The following SUGCT variants were observed in gnomAD, a reference collection of about 807,000 sequenced individuals.
SUGCT encodes the protein succinyl-CoA:glutarate CoA-transferase.
In SUGCT, 41 loss-of-function variants were observed where a neutral mutation model predicts 55.0. That is an observed-to-expected ratio of 0.74 (90% CI 0.58 to 0.97). The LOEUF (loss-of-function observed/expected upper bound fraction) is 0.97. SUGCT is among the 50% of genes least tolerant of loss of function. The pLI is 0.00. For synonymous variants in SUGCT, 187 were observed against 200.4 expected (o/e 0.93, Z 0.56); for missense variants, 568 against 547.8 (o/e 1.04, Z -0.37).
chr7:40,469,878 A>G (rs1790315618), intron 11 of SUGCT, among the ~76,000 whole-genome samples: 1 of 152,184 alleles, frequency 6.6e-6, no homozygotes, highest in African/African-American at 2.4e-5. Context: ...AAAACATTTA[A>G]TACCCTCGTT....
the SUGCT span, among the ~76,000 whole-genome samples, chr7:41,034,550 T>C: frequency 6.6e-6 from 1 of 152,184 alleles, no homozygotes; most frequent in Non-Finnish European, 1.5e-5. Context: ...ATGAGACTAA[T>C]TGGGACTTCT....
chr7:40,359,082 A>T (rs953984117), intron 9 of SUGCT, among the ~76,000 whole-genome samples: 3 of 152,178 alleles, frequency 2.0e-5, no homozygotes, highest in African/African-American at 7.2e-5. Flanking sequence ...TGTTCCCTGG[A>T]TATGGACTGT....
chr7:40,507,864 C>T lies in SUGCT; in HGVS notation c.1089+11478C>T, dbSNP rs968478193. ...TTGCATACAGAGTTGCCTGTGATCT[C>T]AGAAGGGCTCATCTTGATTGTCTCT... On this transcript the variant is annotated intron_variant, in intron 12 of 13. Transcript: ENST00000335693. Among the ~76,000 whole-genome samples the T allele has an allele frequency of 2.0e-5, 3 of 152,176 alleles. 1 individual carries two copies. The Middle Eastern group carries it at 9.5e-3, about 482-fold the overall frequency.
At chr7:40,643,027 CT>C (rs1800338822) in intron 12 of SUGCT, among the ~76,000 whole-genome samples, 1 of 152,154 alleles carries the variant, frequency 6.6e-6, no homozygotes, top group East Asian at 1.9e-4. Flanking sequence ...TAGCTCATCA[CT>C]TTTCCTCCAG....
intron 12 of SUGCT, among the ~76,000 whole-genome samples, chr7:40,681,004 T>G (rs1048828276): frequency 6.6e-6 from 1 of 152,158 alleles, no homozygotes; most frequent in Admixed American, 6.6e-5. Flanking sequence ...AATATTAACT[T>G]CAAAACATCC....
chr7:40,970,447 C>T, the SUGCT span, among the ~76,000 whole-genome samples: 6 of 152,214 alleles, frequency 3.9e-5, no homozygotes, highest in African/African-American at 1.4e-4. Flanking sequence ...GCTGGGACTA[C>T]AGGCATGAGC....
chr7:40,438,083 G>A (rs1216861162), intron 9 of SUGCT, among the ~76,000 whole-genome samples: 2 of 152,004 alleles, frequency 1.3e-5, no homozygotes, highest in Non-Finnish European at 2.9e-5. Flanking sequence ...TCTTTAGTCA[G>A]CTTTATAATT....
At position 40,691,197 on chromosome 7, in the gene SUGCT, T is replaced by C. The variant is rs180739912; in HGVS notation, c.1090-58237T>C. On this transcript the variant is annotated intron_variant, in intron 12 of 13. Coordinates refer to ENST00000335693, the MANE Select transcript of SUGCT (RefSeq NM_001193313.2). Reference sequence around the variant, plus strand: ...AGTGACCTGGCCCTCTACTTGAAGATGCAAGAAATGGTTTTTGGGCTCAAG... The same window carrying C: ...AGTGACCTGGCCCTCTACTTGAAGACGCAAGAAATGGTTTTTGGGCTCAAG... 6.8e-3 allele frequency among the ~76,000 whole-genome samples: 1,030 copies of C among 152,310 alleles called. 9 individuals are homozygous for C. Among genetic ancestry groups the C allele is most frequent in the Non-Finnish European group, 0.01 (687 of 68,028 alleles).
At chr7:40,877,089 CTCT>C in the SUGCT span, among the ~76,000 whole-genome samples, 2 of 152,150 alleles carry the variant, frequency 1.3e-5, no homozygotes, top group African/African-American at 2.4e-5. Context: ...TTCAAGGAAT[CTCT>C]TCTTTTTGTT....
At chr7:40,421,853 T>A (rs770762345) in intron 9 of SUGCT, among the ~76,000 whole-genome samples, 1 of 152,178 alleles carries the variant, frequency 6.6e-6, no homozygotes, top group Admixed American at 6.5e-5. Flanking sequence ...GCACTAACTT[T>A]GAGCTGTGGT....
At chr7:41,023,930 A>C in the SUGCT span, among the ~76,000 whole-genome samples, 1 of 152,194 alleles carries the variant, frequency 6.6e-6, no homozygotes, top group Non-Finnish European at 1.5e-5. Context: ...TTGCAGCCCA[A>C]AGCATCCTAA....
the SUGCT span, among the ~76,000 whole-genome samples, chr7:41,010,695 C>T: frequency 2.0e-5 from 3 of 152,082 alleles, no homozygotes; most frequent in African/African-American, 7.2e-5. Flanking sequence ...ACCGGAGGGC[C>T]ATGTTTACAC....
intron 9 of SUGCT, among the ~76,000 whole-genome samples, chr7:40,329,769 G>A (rs1362129191): frequency 6.6e-6 from 1 of 152,118 alleles, no homozygotes; most frequent in Non-Finnish European, 1.5e-5. Context: ...TTGTAACCTG[G>A]TAATGGGACA....
At chr7:40,197,135 C>G (rs183035669) in intron 6 of SUGCT, among the ~76,000 whole-genome samples, 3 of 152,158 alleles carry the variant, frequency 2.0e-5, no homozygotes, top group East Asian at 1.9e-4. Flanking sequence ...GTGCCCGGCC[C>G]TGATGATTAA....
chr7:40,664,094 C>G (rs943938573), intron 12 of SUGCT, among the ~76,000 whole-genome samples: 1 of 152,182 alleles, frequency 6.6e-6, no homozygotes, highest in East Asian at 1.9e-4. Flanking sequence ...AGATTCTTCT[C>G]TTAACGTCCT....
the SUGCT span, among the ~76,000 whole-genome samples, chr7:40,969,847 T>C: frequency 6.6e-6 from 1 of 152,222 alleles, no homozygotes; most frequent in Non-Finnish European, 1.5e-5. Context: ...GTTTAAAGTA[T>C]CTCTTAGTAT....
At chr7:40,605,027 G>C (rs1798457736) in intron 12 of SUGCT, among the ~76,000 whole-genome samples, 2 of 152,216 alleles carry the variant, frequency 1.3e-5, no homozygotes, top group South Asian at 4.1e-4. Flanking sequence ...TGTGCCCTCT[G>C]CTGGGCAGAG....
At chr7:40,881,458 C>T in the SUGCT span, among the ~76,000 whole-genome samples, 1 of 152,302 alleles carries the variant, frequency 6.6e-6, no homozygotes, top group South Asian at 2.1e-4. Context: ...CCTGCCTTCT[C>T]CCTTAAGACT....
chr7:40,155,900 C>G (rs1783866682), intron 1 of SUGCT, among the ~76,000 whole-genome samples: 1 of 150,704 alleles, frequency 6.6e-6, no homozygotes, highest in African/African-American at 2.4e-5. Context: ...CTCTGTAGCC[C>G]AGGCTAGAGT....
Sources: allele counts gnomAD v4.1 joint callset (sites outside exome capture counted in the v4.1 genomes callset), GRCh38; gene constraint gnomAD v4.1.1; transcripts MANE v1.5; gene names NCBI Gene and HGNC (gene_info 2026-07-23, HGNC 2026-07-21).